FARP1: variants seen among roughly 807,000 people sequenced by gnomAD.
FARP1 encodes FERM, ARH/RhoGEF and pleckstrin domain protein 1.
A neutral mutation model predicts 128.8 loss-of-function variants in FARP1; 52 were observed. The ratio of observed to expected loss-of-function variants is 0.40; its 90% CI spans 0.32 to 0.51. The LOEUF (loss-of-function observed/expected upper bound fraction) is 0.51, where lower values mean the gene tolerates loss of function less well. Among genes scored for constraint, FARP1 ranks in the 20% least tolerant of loss-of-function variants. FARP1 has a pLI of 0.45. For synonymous variants in FARP1, 580 were observed against 551.8 expected, an observed-to-expected ratio of 1.05 and a Z score of -0.72; for missense variants, 1,333 against 1,367.9, an observed-to-expected ratio of 0.97 and a Z score of 0.40.
intron 16 of FARP1, among the ~76,000 whole-genome samples, chr13:98,417,401 G>A (rs1364751202): frequency 6.8e-5 from 9 of 131,616 alleles, no homozygotes; most frequent in Admixed American, 4.3e-4. Context: ...TTCCATAAAC[G>A]TAGATCATGG....
chr13:98,282,976 C>A lies in FARP1; in HGVS notation c.172-60786C>A, dbSNP rs114065318. 6.7e-3 allele frequency among the ~76,000 whole-genome samples: 1,020 copies of A among 152,092 alleles called. 15 individuals carry two copies. Among genetic ancestry groups the A allele is most frequent in the African/African-American group, 0.023 (962 of 41,484 alleles). ...AATGCTTTATTTTTTTTGACATTGCCATAAAAACAATATGTCATTATACCT... is the reference window on the plus strand; with the variant it reads ...AATGCTTTATTTTTTTTGACATTGCAATAAAAACAATATGTCATTATACCT... On this transcript the variant is annotated intron_variant, in intron 2 of 26. Coordinates refer to ENST00000319562, the MANE Select transcript of FARP1 (RefSeq NM_005766.4).
At chr13:98,196,706 CT>C (rs1453418179) in intron 1 of FARP1, among the ~76,000 whole-genome samples, 2 of 152,198 alleles carry the variant, frequency 1.3e-5, no homozygotes, top group African/African-American at 4.8e-5. Context: ...GGTGGTCAAC[CT>C]GATAGCGCCT....
chr13:98,218,893 GA>G (rs905669510), intron 2 of FARP1, among the ~76,000 whole-genome samples: 2 of 152,182 alleles, frequency 1.3e-5, no homozygotes, highest in Middle Eastern at 3.2e-3. Context: ...AAGTTTTTGA[GA>G]AAAGTAATGA....
chr13:98,221,575 C>A (rs142069263), intron 2 of FARP1, among the ~76,000 whole-genome samples: 1 of 152,226 alleles, frequency 6.6e-6, no homozygotes, highest in Admixed American at 6.5e-5. Flanking sequence ...TGTGGACTTA[C>A]GTGCAGCTTC....
intron 1 of FARP1, among the ~76,000 whole-genome samples, chr13:98,149,810 T>C (rs548160590): frequency 7.5e-6 from 1 of 133,254 alleles, no homozygotes; most frequent in South Asian, 2.6e-4. Context: ...CAATCTTGGC[T>C]CACTGCAAGC....
intron 3 of FARP1, among the ~76,000 whole-genome samples, chr13:98,363,119 G>A (rs1174315284): frequency 1.3e-5 from 2 of 152,118 alleles, no homozygotes; most frequent in African/African-American, 2.4e-5. Context: ...CTCCCCATGG[G>A]GTAGTTCCTT....
At chr13:98,240,036 G>A (rs1432877549) in intron 2 of FARP1, among the ~76,000 whole-genome samples, 1 of 152,132 alleles carries the variant, frequency 6.6e-6, no homozygotes, top group East Asian at 1.9e-4. Context: ...AGGGAAGGAG[G>A]CAGGAGGGGA....
chr13:98,318,894 A>G lies in FARP1; in HGVS notation c.172-24868A>G, dbSNP rs1594396397. 3.3e-5 allele frequency among the ~76,000 whole-genome samples: 5 copies of G among 150,996 alleles called. No homozygotes were observed. The South Asian group carries it at 1.0e-3, about 32-fold the overall frequency. On this transcript the variant is annotated intron_variant, in intron 2 of 26. Transcript: ENST00000319562. ...CATTTATGCATCTGTGTGAAATACA[A>G]GACATATATGTCTTCATATGTACCT...
intron 2 of FARP1, among the ~76,000 whole-genome samples, chr13:98,230,891 C>T (rs1024274318): frequency 1.3e-5 from 2 of 152,162 alleles, no homozygotes; most frequent in African/African-American, 4.8e-5. Context: ...TTAATGGACT[C>T]ACAGGTTGGG....
Position 98,346,939 on chromosome 13 carries a change from C to T in FARP1, c.276+3073C>T, listed in dbSNP as rs1330791267. On this transcript the variant is annotated intron_variant, in intron 3 of 26. Transcript: ENST00000319562. Reference sequence around the variant, plus strand: ...TTACAACATGTGACATCGATAACTTCAATAATAGTTACAGATGCAAATGCA... The same window carrying T: ...TTACAACATGTGACATCGATAACTTTAATAATAGTTACAGATGCAAATGCA... Among the ~76,000 whole-genome samples, 10 of 152,200 alleles carry T rather than the reference C, an allele frequency of 6.6e-5. No homozygotes were observed. The South Asian group carries it at 1.7e-3, about 25-fold the overall frequency.
In FARP1 at chr13:98,453,213, G is replaced by C. The variant is rs571007718; in HGVS notation, c.*4896G>C. On this transcript the variant is annotated 3_prime_UTR_variant, in exon 27 of 27. Transcript: ENST00000319562. ...TCCTCCACCACTTAGAGAGTATCTAGGGAAAAAGAGAGAGAGAGAAGTCAA... is the reference window on the plus strand; with the variant it reads ...TCCTCCACCACTTAGAGAGTATCTACGGAAAAAGAGAGAGAGAGAAGTCAA... The C allele has an allele frequency of 4.3e-6, 7 of 1,612,680 alleles. No homozygotes were observed. Among genetic ancestry groups the C allele is most frequent in the African/African-American group, 1.3e-5 (1 of 74,964 alleles).
Position 98,444,276 on chromosome 13 carries a change from C to G in FARP1, c.2797-1822C>G, listed in dbSNP as rs1385803015. Among the ~76,000 whole-genome samples the G allele has an allele frequency of 5.3e-5, 8 of 152,200 alleles. No homozygotes were observed. The South Asian group carries it at 1.7e-3, about 32-fold the overall frequency. On this transcript the variant is annotated intron_variant, in intron 24 of 26. Coordinates refer to ENST00000319562, the MANE Select transcript of FARP1 (RefSeq NM_005766.4). ...TTGACTCGATCGCATCTGCAGAGAC[C>G]CTGTGTCCATGTGAGGTCACCATTG...
intron 2 of FARP1, among the ~76,000 whole-genome samples, chr13:98,279,731 C>T (rs575782870): frequency 6.6e-6 from 1 of 152,146 alleles, no homozygotes; most frequent in Non-Finnish European, 1.5e-5. Flanking sequence ...ATTGCATATA[C>T]CCTGGTAGGT....
chr13:98,249,867 A>G (rs1369882699), intron 2 of FARP1, among the ~76,000 whole-genome samples: 1 of 151,890 alleles, frequency 6.6e-6, no homozygotes, highest in Non-Finnish European at 1.5e-5. Context: ...CTGGTTCCCC[A>G]CCTCTCTCCC....
intron 5 of FARP1, among the ~76,000 whole-genome samples, chr13:98,377,202 T>A (rs1344225704): frequency 3.3e-5 from 5 of 151,334 alleles, no homozygotes; most frequent in Non-Finnish European, 7.4e-5. Context: ...CTCGGGAGGC[T>A]GAGGCAGGAG....
In FARP1 at chr13:98,383,147, A is replaced by C. The variant is rs140757911; in HGVS notation, c.497-1583A>C. 3.3e-4 allele frequency among the ~76,000 whole-genome samples: 50 copies of C among 152,372 alleles called. 1 individual carries two copies. The highest frequency in any genetic ancestry group is 1.0e-3 in the African/African-American group (42 of 41,592). On this transcript the variant is annotated intron_variant, in intron 6 of 26. Coordinates refer to ENST00000319562, the MANE Select transcript of FARP1 (RefSeq NM_005766.4). ...AGTGTTTATGGTAACCTTGTAGATC[A>C]TAACTGCCTCGAATAATGAGCATCA... is the stretch of plus-strand genomic sequence containing the variant.
intron 2 of FARP1, among the ~76,000 whole-genome samples, chr13:98,322,066 G>A (rs764873377): frequency 6.6e-5 from 10 of 152,234 alleles, no homozygotes; most frequent in Non-Finnish European, 1.0e-4. Flanking sequence ...GGAAGGCCGA[G>A]GCTGGCGGAT....
rs1594472543 is a variant in FARP1 at position 98,384,453 on chromosome 13, A to G, written c.497-277A>G. ...AGTGATCCACCCGTCCTGGACTCCC[A>G]AAGTGCTGAGATTACAGGCATGAGC... On this transcript the variant is annotated intron_variant, in intron 6 of 26. Coordinates refer to ENST00000319562, the MANE Select transcript of FARP1 (RefSeq NM_005766.4). 3 of 429,824 alleles carry G rather than the reference A, an allele frequency of 7.0e-6. No individual in the cohort carries two copies. In the East Asian group the frequency reaches 1.2e-4, roughly 17 times the overall value. The allele number at this position is 429,824 out of a possible 1,614,324, so 26.6% of individuals were successfully genotyped here.
chr13:98,199,256 T>C (rs1211276767), intron 1 of FARP1, among the ~76,000 whole-genome samples: 3 of 151,972 alleles, frequency 2.0e-5, no homozygotes, highest in Non-Finnish European at 2.9e-5. Flanking sequence ...AGTTCCTCAG[T>C]GAGGTGGCAT....
Sources: allele counts gnomAD v4.1 joint callset (sites outside exome capture counted in the v4.1 genomes callset), GRCh38; gene constraint gnomAD v4.1.1; transcripts MANE v1.5; gene names NCBI Gene and HGNC (gene_info 2026-07-23, HGNC 2026-07-21).